RGS3: variants seen among roughly 807,000 people sequenced by gnomAD.
RGS3 encodes the protein regulator of G-protein signalling 3.
Under a neutral mutation model 132.6 loss-of-function variants are expected in RGS3, and 80 were observed. The ratio of observed to expected loss-of-function variants is 0.60; its 90% CI spans 0.50 to 0.73. The LOEUF (loss-of-function observed/expected upper bound fraction) is 0.73. Ranked by LOEUF, RGS3 falls within the 30% of genes least tolerant of loss-of-function variation. The pLI is 0.00. For synonymous variants in RGS3, 598 were observed against 620.6 expected, an observed-to-expected ratio of 0.96 and a Z score of 0.54; for missense variants, 1,382 against 1,530.8, an observed-to-expected ratio of 0.90 and a Z score of 1.62.
At chr9:113,456,768 C>G (rs111460506), upstream of RGS3, among the ~76,000 whole-genome samples, 1 of 151,886 alleles carries the variant, frequency 6.6e-6, no homozygotes, top group Non-Finnish European at 1.5e-5. Context: ...AAAGCCCAAT[C>G]TCCTTATAAT....
chr9:113,594,436 G>A (rs753300201), exon 22 of RGS3: 2 of 1,613,680 alleles, frequency 1.2e-6, no homozygotes, highest in Non-Finnish European at 1.7e-6. Context: ...CCAGAGCCAA[G>A]GACATGAAGA....
chr9:113,539,638 C>T (rs996242106), intron 19 of RGS3, among the ~76,000 whole-genome samples: 1 of 152,164 alleles, frequency 6.6e-6, no homozygotes, highest in African/African-American at 2.4e-5. Context: ...GACCCCCACC[C>T]CACCCCTGCA....
chr9:113,495,573 C>A (rs1234922373), intron 7 of RGS3, among the ~76,000 whole-genome samples: 1 of 152,192 alleles, frequency 6.6e-6, no homozygotes, highest in African/African-American at 2.4e-5. Context: ...GGGAAAGGGA[C>A]CAACTCTGAG....
chr9:113,507,717 G>A lies in RGS3; in HGVS notation c.1437+79G>A, dbSNP rs1831199777. 1 of 1,201,652 alleles carries A rather than the reference G, an allele frequency of 8.3e-7. No individual in the cohort carries two copies. Among genetic ancestry groups the A allele is most frequent in the East Asian group, 2.6e-5 (1 of 38,346 alleles). 74.4% of individuals were successfully genotyped at this position (1,201,652 alleles called of 1,614,324 possible). A position where few individuals can be genotyped will look rare whatever the true frequency, so the allele number is the denominator to read the frequency against. The stretch of plus-strand genomic sequence containing the variant: ...CAGGAAGACTTGAAGACCCAAAGTT[G>A]TGTGATGAGCAGCCTGTGAGGGGCT... On this transcript the variant is annotated intron_variant, in intron 13 of 24. Transcript: ENST00000350696. The surrounding 1 kb of genome is among the most constrained non-coding windows in gnomAD (Gnocchi z 5.0).
Position 113,584,141 on chromosome 9 carries a change from G to A in RGS3, c.2729G>A (p.Arg910His), listed in dbSNP as rs199501915. ...ACCAGCGATGACAACTACGGAGAGCGCAGTGAGGCCAAGCGCAGCAGCATG... is the reference window on the plus strand; with the variant it reads ...ACCAGCGATGACAACTACGGAGAGCACAGTGAGGCCAAGCGCAGCAGCATG... Residue 910 changes from arginine (R) to histidine (H), a missense_variant, in exon 20 of 25, where the codon CGC (arginine) becomes CAC (histidine). Arg to His is a conservative substitution (Grantham distance 29). Transcript: ENST00000350696. 4.0e-5 allele frequency: 64 copies of A among 1,614,252 alleles called. No individual in the cohort carries two copies. The highest frequency in any genetic ancestry group is 2.0e-4 in the Admixed American group (12 of 60,036).
chr9:113,517,227 G>A (rs190554119), intron 15 of RGS3: 8 of 523,814 alleles, frequency 1.5e-5, no homozygotes, highest in East Asian at 4.9e-5. Context: ...CAGTGCAGTG[G>A]GGGGTGAGAG....
intron 19 of RGS3, among the ~76,000 whole-genome samples, chr9:113,559,956 T>G (rs1279446452): frequency 6.6e-6 from 1 of 152,240 alleles, no homozygotes; most frequent in African/African-American, 2.4e-5. Context: ...GAGCACTTAC[T>G]GTGTACCAGG....
intron 14 of RGS3, among the ~76,000 whole-genome samples, chr9:113,513,320 C>G (rs1410373215): frequency 1.3e-5 from 2 of 152,208 alleles, no homozygotes; most frequent in Non-Finnish European, 2.9e-5. Flanking sequence ...GTTGCAGCCT[C>G]TGCTGTCCTT....
intron 10 of RGS3, among the ~76,000 whole-genome samples, chr9:113,503,590 C>A (rs929319970): frequency 6.6e-6 from 1 of 152,214 alleles, no homozygotes; most frequent in African/African-American, 2.4e-5. Context: ...TTTCTTGGAG[C>A]ACACTCCTCC....
intron 17 of RGS3, among the ~76,000 whole-genome samples, chr9:113,527,420 A>G (rs1021718697): frequency 5.3e-5 from 8 of 152,166 alleles, no homozygotes; most frequent in African/African-American, 1.9e-4. Context: ...GTTCTCTTAA[A>G]CAAAAGAAAC....
At chr9:113,594,631 T>C in intron 22 of RGS3, 100 bp downstream of exon 20, 1 of 1,005,290 alleles carries the variant, frequency 9.9e-7, no homozygotes, top group Non-Finnish European at 1.5e-6. Flanking sequence ...CTTGCCGGCT[T>C]GATCCAGCTC....
chr9:113,581,706 C>T (rs1311320587), intron 19 of RGS3: 1 of 152,248 alleles, frequency 6.6e-6, no homozygotes, highest in Non-Finnish European at 1.5e-5. Context: ...CTAGGTTGCC[C>T]CTTGCTCCTC....
chr9:113,575,208 G>A (rs970738127), intron 19 of RGS3, among the ~76,000 whole-genome samples: 2 of 152,190 alleles, frequency 1.3e-5, no homozygotes, highest in Non-Finnish European at 2.9e-5. Flanking sequence ...TTGGTCAGGC[G>A]ATAGCCAAGA....
chr9:113,461,219 G>A (rs1314867876), intron 1 of RGS3, among the ~76,000 whole-genome samples: 1 of 152,176 alleles, frequency 6.6e-6, no homozygotes, highest in East Asian at 1.9e-4. Context: ...TATGTGTGGA[G>A]TGTGTGTGCA....
intron 3 of RGS3, chr9:113,462,233 G>C (rs756257792): frequency 1.4e-6 from 2 of 1,449,536 alleles, no homozygotes; most frequent in Non-Finnish European, 1.9e-6. Context: ...TTGAGGCTAG[G>C]AGAGTGGACC....
At chr9:113,550,755 G>A (rs1833308302) in intron 19 of RGS3, among the ~76,000 whole-genome samples, 1 of 151,988 alleles carries the variant, frequency 6.6e-6, no homozygotes, top group Non-Finnish European at 1.5e-5. Context: ...ATGCCTTCTG[G>A]TCACTTGTGT....
intron 19 of RGS3, among the ~76,000 whole-genome samples, chr9:113,550,817 G>C (rs1191682346): frequency 6.6e-6 from 1 of 152,020 alleles, no homozygotes; most frequent in Non-Finnish European, 1.5e-5. Flanking sequence ...TTTCTATTGG[G>C]ATTTTTATAG....
chr9:113,556,078 C>T (rs1833556813), intron 19 of RGS3, among the ~76,000 whole-genome samples: 1 of 152,162 alleles, frequency 6.6e-6, no homozygotes, highest in African/African-American at 2.4e-5. Context: ...GTGAATCGTC[C>T]TTCTCTCCCA....
chr9:113,489,109 C>T (rs1463833945), intron 7 of RGS3, among the ~76,000 whole-genome samples: 1 of 152,222 alleles, frequency 6.6e-6, no homozygotes, highest in African/African-American at 2.4e-5. Context: ...ATTATTGCCC[C>T]TCTCTTCAGA....
Sources: allele counts gnomAD v4.1 joint callset (sites outside exome capture counted in the v4.1 genomes callset), GRCh38; gene constraint gnomAD v4.1.1; non-coding constraint Gnocchi (gnomAD v3.1); transcripts MANE v1.5; gene names NCBI Gene and HGNC (gene_info 2026-07-23, HGNC 2026-07-21).